KCNH7: variants seen among roughly 807,000 people sequenced by gnomAD.
KCNH7 encodes the protein voltage-gated inwardly rectifying potassium channel KCNH7.
A neutral mutation model predicts 120.8 loss-of-function variants in KCNH7; 49 were observed. The observed-to-expected ratio is 0.41, with a 90% CI of 0.32 to 0.51. The LOEUF (loss-of-function observed/expected upper bound fraction) is 0.51, where lower values mean the gene tolerates loss of function less well. Among genes scored for constraint, KCNH7 ranks in the 20% least tolerant of loss-of-function variants. KCNH7 has a pLI of 0.38. For synonymous variants in KCNH7, 547 were observed against 516.1 expected (o/e 1.06, Z -0.81); for missense variants, 1,097 against 1,446.6 (o/e 0.76, Z 3.92).
At chr2:162,754,316 G>C (rs891987052) in intron 2 of KCNH7, among the ~76,000 whole-genome samples, 12 of 152,156 alleles carry the variant, frequency 7.9e-5, no homozygotes, top group South Asian at 2.1e-4. Flanking sequence ...GAACGAAAAA[G>C]AAAGACATCA....
Position 162,491,131 on chromosome 2 carries a change from C to T in KCNH7, c.1128+13312G>A, listed in dbSNP as rs998884169. ...CTGTTGGCCAGCATTTCCCACTCTC[C>T]GACCCATCCTGCCATGAACCTGTGG... On this transcript the variant is annotated intron_variant, in intron 6 of 15. Coordinates refer to ENST00000332142, the MANE Select transcript of KCNH7 (RefSeq NM_033272.4). Among the ~76,000 whole-genome samples the T allele has an allele frequency of 1.3e-4, 20 of 152,320 alleles. No individual in the cohort carries two copies. The East Asian group carries it at 2.9e-3, about 22-fold the overall frequency.
chr2:162,764,337 T>G (rs1376061541), intron 2 of KCNH7, among the ~76,000 whole-genome samples: 3 of 152,128 alleles, frequency 2.0e-5, no homozygotes, highest in African/African-American at 7.2e-5. Flanking sequence ...GGTCATATTT[T>G]ATATATGTAT....
In KCNH7 at chr2:162,498,043, C is replaced by T. The variant is rs116400301; in HGVS notation, c.1128+6400G>A. Among the ~76,000 whole-genome samples, 820 of 152,198 alleles carry T rather than the reference C, an allele frequency of 5.4e-3. 7 individuals are homozygous for T. Among genetic ancestry groups the T allele is most frequent in the African/African-American group, 0.019 (794 of 41,540 alleles). ...AAATCTGAACTAATTTTCTTGAGTACTTTCCTTAGTAAAGCTACAGGAAAA... is the reference window on the plus strand; with the variant it reads ...AAATCTGAACTAATTTTCTTGAGTATTTTCCTTAGTAAAGCTACAGGAAAA... On this transcript the variant is annotated intron_variant, in intron 6 of 15. Transcript: ENST00000332142.
chr2:162,411,772 A>T (rs1162383494), intron 9 of KCNH7, among the ~76,000 whole-genome samples: 1 of 151,656 alleles, frequency 6.6e-6, no homozygotes, highest in Non-Finnish European at 1.5e-5. Flanking sequence ...TTTTAATTAA[A>T]TTTTTAAAAT....
intron 2 of KCNH7, among the ~76,000 whole-genome samples, chr2:162,753,015 A>C (rs1040407462): frequency 6.7e-6 from 1 of 148,616 alleles, no homozygotes; most frequent in South Asian, 2.1e-4. Context: ...AAAGAAAAGA[A>C]AAGAAAAGAA....
chr2:162,718,830 TTTAG>T (rs1369060061), intron 2 of KCNH7, among the ~76,000 whole-genome samples: 2 of 152,056 alleles, frequency 1.3e-5, no homozygotes, highest in Admixed American at 1.3e-4. Flanking sequence ...TGGATACCTT[TTTAG>T]TTGCTCTCTA....
intron 12 of KCNH7, among the ~76,000 whole-genome samples, chr2:162,390,281 T>C (rs1048350827): frequency 5.3e-5 from 8 of 150,424 alleles, no homozygotes; most frequent in Non-Finnish European, 1.2e-4. Context: ...TATTTATATA[T>C]TTTATAATAT....
chr2:162,812,652 T>G (rs933209005), intron 2 of KCNH7, among the ~76,000 whole-genome samples: 1 of 151,998 alleles, frequency 6.6e-6, no homozygotes, highest in Non-Finnish European at 1.5e-5. Context: ...GAAATAACCT[T>G]TAGACATTAG....
At chr2:162,458,380 C>T (rs1036135264) in intron 6 of KCNH7, among the ~76,000 whole-genome samples, 4 of 152,022 alleles carry the variant, frequency 2.6e-5, no homozygotes, top group African/African-American at 9.7e-5. Context: ...ATAAACTTAA[C>T]TCCAAGCCAC....
At chr2:162,565,627 G>A (rs1203695151) in intron 2 of KCNH7, among the ~76,000 whole-genome samples, 1 of 152,080 alleles carries the variant, frequency 6.6e-6, no homozygotes, top group Non-Finnish European at 1.5e-5. Flanking sequence ...GCTATAAAAT[G>A]AAGACTTGTT....
At chr2:162,379,482 G>A (rs966209124) in intron 14 of KCNH7, among the ~76,000 whole-genome samples, 2 of 152,080 alleles carry the variant, frequency 1.3e-5, no homozygotes, top group African/African-American at 4.8e-5. Flanking sequence ...CTAACACATA[G>A]CTATGCTATC....
At chr2:162,695,552 G>A (rs1387548276) in intron 2 of KCNH7, among the ~76,000 whole-genome samples, 4 of 152,126 alleles carry the variant, frequency 2.6e-5, no homozygotes, top group Admixed American at 6.6e-5. Flanking sequence ...AAAGTCACTG[G>A]GCATCTGATG....
intron 2 of KCNH7, among the ~76,000 whole-genome samples, chr2:162,695,397 C>T (rs1686254537): frequency 6.6e-6 from 1 of 152,038 alleles, no homozygotes; most frequent in Non-Finnish European, 1.5e-5. Context: ...GGCAGATTAA[C>T]AGGATAGCAA....
intron 2 of KCNH7, among the ~76,000 whole-genome samples, chr2:162,757,426 C>T (rs758049892): frequency 2.1e-4 from 32 of 152,120 alleles, no homozygotes; most frequent in Non-Finnish European, 4.1e-4. Context: ...CAGTCTTAAT[C>T]AGATTCCTGA....
intron 2 of KCNH7, among the ~76,000 whole-genome samples, chr2:162,749,376 T>A (rs1487681977): frequency 6.6e-6 from 1 of 152,128 alleles, no homozygotes; most frequent in East Asian, 1.9e-4. Flanking sequence ...GCAAATTAAA[T>A]ATTAGATACT....
chr2:162,788,988 T>TA (rs61348204), intron 2 of KCNH7, among the ~76,000 whole-genome samples: 3,233 of 105,082 alleles, frequency 0.031, 54 homozygotes, highest in South Asian at 0.059. Context: ...AGGTACTGGT[T>TA]AAAAAAAAAA....
chr2:162,715,035 G>A (rs565798111), intron 2 of KCNH7, among the ~76,000 whole-genome samples: 3 of 152,206 alleles, frequency 2.0e-5, no homozygotes, highest in South Asian at 4.1e-4. Flanking sequence ...TGTATTATAC[G>A]AAGGGCTTTG....
chr2:162,830,781 C>G (rs1321894645), intron 2 of KCNH7, among the ~76,000 whole-genome samples: 1 of 152,136 alleles, frequency 6.6e-6, no homozygotes, highest in African/African-American at 2.4e-5. Context: ...CTGCATTCTG[C>G]CATGTGAGAC....
chr2:162,436,508 T>C, intron 7 of KCNH7, among the ~76,000 whole-genome samples: 1 of 152,112 alleles, frequency 6.6e-6, no homozygotes, highest in South Asian at 2.1e-4. Context: ...ACTTAACTGG[T>C]TGTTTGGACT....
Sources: allele counts gnomAD v4.1 joint callset (sites outside exome capture counted in the v4.1 genomes callset), GRCh38; gene constraint gnomAD v4.1.1; transcripts MANE v1.5; gene names NCBI Gene and HGNC (gene_info 2026-07-23, HGNC 2026-07-21).